KCTD8: variants seen among roughly 807,000 people sequenced by gnomAD.
The protein encoded by KCTD8 is potassium channel tetramerization domain containing 8.
KCTD8 carries 27 observed loss-of-function variants against 31.5 expected under a neutral mutation model. The observed-to-expected ratio is 0.86, with a 90% CI of 0.63 to 1.18. KCTD8 has a LOEUF of 1.18. KCTD8 is among the 50% of genes most tolerant of loss of function. The pLI is 0.00. For synonymous variants in KCTD8, 290 were observed against 280.0 expected (o/e 1.04, Z -0.36); for missense variants, 658 against 647.7 (o/e 1.02, Z -0.17).
chr4:44,198,124 T>A (rs1714001528), intron 1 of KCTD8, among the ~76,000 whole-genome samples: 1 of 151,816 alleles, frequency 6.6e-6, no homozygotes, highest in South Asian at 2.1e-4. Flanking sequence ...TTAAAAAAAA[T>A]AAACAAAACC....
intron 1 of KCTD8, among the ~76,000 whole-genome samples, chr4:44,228,612 T>G (rs1443658606): frequency 6.6e-6 from 1 of 152,224 alleles, no homozygotes; most frequent in Non-Finnish European, 1.5e-5. Context: ...TCTTTGCATC[T>G]CTGGCTTTTC....
chr4:44,400,413 G>GA (rs550905444), intron 1 of KCTD8, among the ~76,000 whole-genome samples: 94 of 145,264 alleles, frequency 6.5e-4, no homozygotes, highest in East Asian at 5.4e-3. Flanking sequence ...AGACTGGAGA[G>GA]AAAAAAAAAA....
At chr4:44,296,503 T>C (rs1717439318) in intron 1 of KCTD8, among the ~76,000 whole-genome samples, 1 of 152,130 alleles carries the variant, frequency 6.6e-6, no homozygotes, top group Non-Finnish European at 1.5e-5. Context: ...TGTTTTAAAT[T>C]GATATATTAA....
intron 1 of KCTD8, among the ~76,000 whole-genome samples, chr4:44,290,658 C>T (rs530359687): frequency 5.5e-4 from 83 of 152,158 alleles, no homozygotes; most frequent in African/African-American, 1.7e-3. Context: ...CCAAGAAGAA[C>T]GCTCAAAACT....
intron 1 of KCTD8, among the ~76,000 whole-genome samples, chr4:44,327,355 G>A (rs1718477298): frequency 6.6e-6 from 1 of 151,746 alleles, no homozygotes; most frequent in Non-Finnish European, 1.5e-5. Context: ...TATTTAATAT[G>A]TTAACTTCAG....
At chr4:44,222,605 T>C (rs1186293653) in intron 1 of KCTD8, among the ~76,000 whole-genome samples, 2 of 152,162 alleles carry the variant, frequency 1.3e-5, no homozygotes, top group African/African-American at 4.8e-5. Context: ...TGCATCATCT[T>C]TCAGAGAGTA....
intron 1 of KCTD8, among the ~76,000 whole-genome samples, chr4:44,212,748 C>T (rs914535237): frequency 6.6e-6 from 1 of 152,054 alleles, no homozygotes; most frequent in Non-Finnish European, 1.5e-5. Flanking sequence ...CTCTAGTAAA[C>T]ATTGTTTAGT....
At chr4:44,428,739 G>A (rs55943166) in intron 1 of KCTD8, among the ~76,000 whole-genome samples, 12,142 of 151,828 alleles carry the variant, frequency 0.08, 586 homozygotes, top group Non-Finnish European at 0.11. Flanking sequence ...TGTCAAAGCA[G>A]ATTAACAAAT....
At chr4:44,222,922 G>A (rs1395356611) in intron 1 of KCTD8, among the ~76,000 whole-genome samples, 1 of 152,132 alleles carries the variant, frequency 6.6e-6, no homozygotes, top group Non-Finnish European at 1.5e-5. Context: ...TAGAGATATG[G>A]TTAAGAGACC....
At chr4:44,438,853 A>ATACC (rs1721746877) in intron 1 of KCTD8, among the ~76,000 whole-genome samples, 2 of 152,336 alleles carry the variant, frequency 1.3e-5, no homozygotes, top group East Asian at 3.9e-4. Flanking sequence ...TGTGTCCCTG[A>ATACC]TACCATCTGT....
chr4:44,336,182 A>G (rs1379063661), intron 1 of KCTD8, among the ~76,000 whole-genome samples: 1 of 149,834 alleles, frequency 6.7e-6, no homozygotes, highest in African/African-American at 2.4e-5. Context: ...AAAAAGAAAA[A>G]ATATAAAATT....
chr4:44,235,642 C>T (rs1715270398), intron 1 of KCTD8, among the ~76,000 whole-genome samples: 1 of 140,586 alleles, frequency 7.1e-6, no homozygotes, highest in Non-Finnish European at 1.5e-5. Context: ...ACTGACAAAG[C>T]AGCTTTCAGT....
intron 1 of KCTD8, among the ~76,000 whole-genome samples, chr4:44,223,372 G>A (rs1219619722): frequency 6.6e-6 from 1 of 152,154 alleles, no homozygotes; most frequent in Non-Finnish European, 1.5e-5. Flanking sequence ...TTTGGGACGT[G>A]TAGGTGTAGA....
chr4:44,342,366 CAAAAAAA>C (rs34201696), intron 1 of KCTD8, among the ~76,000 whole-genome samples: 3 of 87,524 alleles, frequency 3.4e-5, no homozygotes, highest in Non-Finnish European at 4.7e-5. Flanking sequence ...AAGACTGTCT[CAAAAAAA>C]AAAAAAAAAA....
intron 1 of KCTD8, among the ~76,000 whole-genome samples, chr4:44,331,174 TG>T (rs1718582126): frequency 6.6e-6 from 1 of 151,886 alleles, no homozygotes; most frequent in South Asian, 2.1e-4. Flanking sequence ...TTTTTGAAGC[TG>T]TCTTTTCCTT....
At chr4:44,296,535 T>A (rs368531623) in intron 1 of KCTD8, among the ~76,000 whole-genome samples, 1 of 152,130 alleles carries the variant, frequency 6.6e-6, no homozygotes, top group East Asian at 1.9e-4. Context: ...AAATTATAAT[T>A]TACATATCTG....
At chr4:44,221,925 G>T (rs1020091194) in intron 1 of KCTD8, among the ~76,000 whole-genome samples, 7 of 152,076 alleles carry the variant, frequency 4.6e-5, no homozygotes, top group African/African-American at 1.7e-4. Flanking sequence ...CAATCAAGTT[G>T]ACACTCAGTA....
At chr4:44,415,080 G>A (rs1721042356) in intron 1 of KCTD8, among the ~76,000 whole-genome samples, 1 of 152,202 alleles carries the variant, frequency 6.6e-6, no homozygotes, top group African/African-American at 2.4e-5. Flanking sequence ...AAGTTATTGG[G>A]AAGTGAAGTA....
At chr4:44,359,254 T>C (rs1367394667) in intron 1 of KCTD8, among the ~76,000 whole-genome samples, 5 of 152,138 alleles carry the variant, frequency 3.3e-5, no homozygotes, top group African/African-American at 7.2e-5. Context: ...ATGTCCTGAA[T>C]GGTATTGCCC....
Sources: allele counts gnomAD v4.1 joint callset (sites outside exome capture counted in the v4.1 genomes callset), GRCh38; gene constraint gnomAD v4.1.1; transcripts MANE v1.5; gene names NCBI Gene and HGNC (gene_info 2026-07-23, HGNC 2026-07-21).